The following ERCC6L2 variants were observed in gnomAD, a reference collection of about 807,000 sequenced individuals.
ERCC6L2 encodes DNA excision repair protein ERCC-6-like 2.
Under a neutral mutation model 132.0 loss-of-function variants are expected in ERCC6L2, and 77 were observed. That is an observed-to-expected ratio of 0.58 (90% CI 0.49 to 0.71). The LOEUF is 0.71. Among genes scored for constraint, ERCC6L2 ranks in the 30% least tolerant of loss-of-function variants. The pLI is 0.00. For missense variants in ERCC6L2, 1,542 were observed against 1,837.6 expected (o/e 0.84, Z 2.94); for synonymous variants, 583 against 632.4 (o/e 0.92, Z 1.17).
chr9:95,897,081 G>C (rs891563152), intron 2 of ERCC6L2, among the ~76,000 whole-genome samples: 4 of 151,730 alleles, frequency 2.6e-5, no homozygotes, highest in Non-Finnish European at 4.4e-5. Context: ...ATTTTTGTAA[G>C]GTAATGATCA....
intron 19 of ERCC6L2, among the ~76,000 whole-genome samples, chr9:96,026,769 CCACA>C (rs1180259321): frequency 8.0e-6 from 1 of 124,666 alleles, no homozygotes; most frequent in Non-Finnish European, 1.6e-5. Flanking sequence ...TACAAACACA[CCACA>C]CACAAACACC....
chr9:95,881,056 C>T lies in ERCC6L2; in HGVS notation c.234C>T (p.Cys78=). ...AAGAAGTGAAATTTGTTAAAGATTG[C>T]CCTAGGAATCTTATATTTGATGATG... ...QLQEVKFVKD[C]PRNLIFDDED... Residue 78 remains cysteine, a synonymous_variant, in exon 2 of 19, where the codon TGC becomes TGT. Coordinates refer to ENST00000653738, the MANE Select transcript of ERCC6L2 (RefSeq NM_020207.7). The T allele has an allele frequency of 2.5e-6, 4 of 1,613,604 alleles. No individual in the cohort carries two copies. The South Asian group carries it at 3.3e-5, about 13-fold the overall frequency.
At chr9:95,959,374 T>C (rs1831788298) in intron 13 of ERCC6L2, among the ~76,000 whole-genome samples, 1 of 151,800 alleles carries the variant, frequency 6.6e-6, no homozygotes, top group Non-Finnish European at 1.5e-5. Context: ...TATACAAAAA[T>C]TAATTCAAGA....
At chr9:95,931,350 A>G (rs1372726200) in intron 11 of ERCC6L2, among the ~76,000 whole-genome samples, 2 of 152,156 alleles carry the variant, frequency 1.3e-5, no homozygotes, top group African/African-American at 4.8e-5. Context: ...CTTAGTTTCA[A>G]TCTGGCCCAG....
At chr9:95,960,712 C>T (rs1246524977) in intron 13 of ERCC6L2, among the ~76,000 whole-genome samples, 2 of 152,056 alleles carry the variant, frequency 1.3e-5, no homozygotes, top group African/African-American at 2.4e-5. Context: ...ATTTCTGGCT[C>T]CCAGAACTGT....
chr9:95,959,963 G>A (rs1348274207), intron 13 of ERCC6L2, among the ~76,000 whole-genome samples: 2 of 152,056 alleles, frequency 1.3e-5, no homozygotes, highest in Non-Finnish European at 2.9e-5. Context: ...AAAAAGAAGG[G>A]AGCCTTAGGG....
At chr9:95,997,575 A>T (rs375329997) in intron 17 of ERCC6L2, among the ~76,000 whole-genome samples, 3 of 152,250 alleles carry the variant, frequency 2.0e-5, no homozygotes, top group African/African-American at 7.2e-5. Flanking sequence ...CACCTAATAG[A>T]CTACAATATA....
At chr9:95,902,752 A>G (rs1193550836) in intron 3 of ERCC6L2, among the ~76,000 whole-genome samples, 1 of 152,096 alleles carries the variant, frequency 6.6e-6, no homozygotes, top group African/African-American at 2.4e-5. Flanking sequence ...AGAGATTTAA[A>G]ATTTTTATCT....
intron 16 of ERCC6L2, among the ~76,000 whole-genome samples, chr9:95,974,443 C>T (rs1448633960): frequency 1.3e-5 from 2 of 152,152 alleles, no homozygotes; most frequent in Non-Finnish European, 2.9e-5. Context: ...ATTGTCCTAT[C>T]TGTGGATAGA....
At chr9:95,937,079 A>G (rs922141735) in intron 11 of ERCC6L2, among the ~76,000 whole-genome samples, 1 of 152,188 alleles carries the variant, frequency 6.6e-6, no homozygotes, top group African/African-American at 2.4e-5. Context: ...TAAAGCTATT[A>G]ACATTTGTGT....
At chr9:95,876,802 A>C (rs576970668) in intron 1 of ERCC6L2, 1 of 152,344 alleles carries the variant, frequency 6.6e-6, no homozygotes, top group Admixed American at 6.5e-5. Flanking sequence ...TTCAGAGCTA[A>C]AGTTCAGAGA....
At chr9:95,954,664 A>C (rs150373756) in intron 12 of ERCC6L2, 70 of 405,762 alleles carry the variant, frequency 1.7e-4, no homozygotes, top group African/African-American at 1.4e-3. Context: ...CCCATTCACC[A>C]AACAACTGGC....
chr9:95,907,541 C>A (rs1829108265), intron 4 of ERCC6L2, among the ~76,000 whole-genome samples: 3 of 151,432 alleles, frequency 2.0e-5, no homozygotes, highest in Admixed American at 6.6e-5. Context: ...AATGATGATT[C>A]CTTTGCTTGA....
downstream of ERCC6L2, chr9:96,020,769 G>T: frequency 2.2e-6 from 1 of 456,788 alleles, no homozygotes. Context: ...GTGGGGATGG[G>T]GAGTGGACGG....
At chr9:95,983,854 A>G (rs945944646) in intron 17 of ERCC6L2, among the ~76,000 whole-genome samples, 3 of 152,160 alleles carry the variant, frequency 2.0e-5, no homozygotes, top group South Asian at 2.1e-4. Context: ...GGGCTCAACA[A>G]TGGCCGGAGG....
chr9:95,921,352 G>A, intron 7 of ERCC6L2, 37 bp downstream of exon 7: 1 of 1,554,408 alleles, frequency 6.4e-7, no homozygotes, highest in Non-Finnish European at 8.8e-7. Context: ...TCATGCTTTT[G>A]ATTACATAGT....
chr9:95,912,708 T>C (rs1474821584), intron 4 of ERCC6L2, among the ~76,000 whole-genome samples: 2 of 152,140 alleles, frequency 1.3e-5, no homozygotes, highest in Non-Finnish European at 2.9e-5. Flanking sequence ...TGAATTTGGT[T>C]GTCTGTTTAT....
At chr9:95,899,862 T>A (rs1167101389) in intron 3 of ERCC6L2, among the ~76,000 whole-genome samples, 1 of 152,190 alleles carries the variant, frequency 6.6e-6, no homozygotes, top group Non-Finnish European at 1.5e-5. Flanking sequence ...AGCTTTTATA[T>A]TGTATTGTTT....
chr9:95,903,320 T>C (rs909345257), intron 3 of ERCC6L2, among the ~76,000 whole-genome samples: 1 of 152,114 alleles, frequency 6.6e-6, no homozygotes, highest in Non-Finnish European at 1.5e-5. Context: ...TTCATTTCTC[T>C]TCCAGTGCTA....
Sources: gnomAD v4.1 joint callset for allele counts (sites outside exome capture counted in the v4.1 genomes callset) on GRCh38, gnomAD v4.1.1 for gene constraint, MANE v1.5 for transcripts, NCBI Gene and HGNC (gene_info 2026-07-23, HGNC 2026-07-21) for gene names.